UTS2: variants seen among roughly 807,000 people sequenced by gnomAD.
UTS2 encodes the protein urotensin 2, also known as urotensin-2.
UTS2 carries 10 observed loss-of-function variants against 12.6 expected under a neutral mutation model. The ratio of observed to expected loss-of-function variants is 0.80; its 90% CI spans 0.49 to 1.35. The LOEUF (loss-of-function observed/expected upper bound fraction) is 1.35, where lower values mean the gene tolerates loss of function less well. Ranked by LOEUF, UTS2 falls within the 40% of genes most tolerant of loss-of-function variation. The pLI is 0.00. For missense variants in UTS2, 142 were observed against 143.2 expected (o/e 0.99, Z 0.04); for synonymous variants, 52 against 50.0 (o/e 1.04, Z -0.17).
the UTS2 span, among the ~76,000 whole-genome samples, chr1:7,860,061 G>A: frequency 6.6e-6 from 1 of 152,140 alleles, no homozygotes; most frequent in Admixed American, 6.5e-5. Context: ...GTTGAACAGT[G>A]AGTAATGTTA....
At chr1:7,864,006 G>C in the UTS2 span, among the ~76,000 whole-genome samples, 2 of 152,368 alleles carry the variant, frequency 1.3e-5, no homozygotes, top group South Asian at 4.1e-4. Flanking sequence ...TCTCAGGGCA[G>C]CAGGAGGGCA....
Position 7,848,430 on chromosome 1 carries a change from C to A in UTS2, c.259-548G>T, listed in dbSNP as rs572246078. 5.3e-5 allele frequency among the ~76,000 whole-genome samples: 8 copies of A among 152,140 alleles called. No homozygotes were observed. The East Asian group carries it at 9.7e-4, about 18-fold the overall frequency. ...CTCCAGCCTGGGTAACAGAGCAAGA[C>A]CCTGTCTCAATAAATAAATAAATAA... On this transcript the variant is annotated intron_variant, in intron 3 of 3. Coordinates refer to ENST00000361696, the MANE Select transcript of UTS2 (RefSeq NM_006786.4).
chr1:7,900,265 G>A, the UTS2 span, among the ~76,000 whole-genome samples: 1 of 152,090 alleles, frequency 6.6e-6, no homozygotes, highest in Non-Finnish European at 1.5e-5. Context: ...CAGGCACAGT[G>A]GTGCATGCCT....
the UTS2 span, among the ~76,000 whole-genome samples, chr1:7,877,848 G>A: frequency 6.6e-6 from 1 of 151,478 alleles, no homozygotes; most frequent in African/African-American, 2.4e-5. Flanking sequence ...ACTCCAGCCT[G>A]GGCAACAGAG....
At chr1:7,863,935 G>A in the UTS2 span, among the ~76,000 whole-genome samples, 1 of 152,236 alleles carries the variant, frequency 6.6e-6, no homozygotes, top group Admixed American at 6.5e-5. Flanking sequence ...TGACAGCGGG[G>A]CCTCCCTCTC....
At chr1:7,854,142 G>C (rs1638246236), upstream of UTS2, among the ~76,000 whole-genome samples, 1 of 151,994 alleles carries the variant, frequency 6.6e-6, no homozygotes, top group Non-Finnish European at 1.5e-5. Flanking sequence ...TCAGGAGTTT[G>C]AGACCAGCCT....
the UTS2 span, among the ~76,000 whole-genome samples, chr1:7,892,363 G>A: frequency 6.6e-6 from 1 of 151,932 alleles, no homozygotes; most frequent in Non-Finnish European, 1.5e-5. Context: ...AGTTTCTAGG[G>A]GCCGCCTGCA....
At chr1:7,866,623 C>A in the UTS2 span, among the ~76,000 whole-genome samples, 1 of 152,292 alleles carries the variant, frequency 6.6e-6, no homozygotes, top group Middle Eastern at 3.4e-3. The surrounding 1 kb of genome is among the most constrained non-coding windows in gnomAD (Gnocchi z 4.5). Flanking sequence ...CTCCACTCAG[C>A]TTTCCCCCTC....
upstream of UTS2, chr1:7,853,395 T>C (rs749327800): frequency 5.0e-6 from 8 of 1,613,952 alleles, no homozygotes; most frequent in Non-Finnish European, 6.8e-6. Flanking sequence ...CGAGCAGAAG[T>C]GACGCAGAGC....
chr1:7,856,148 AT>A (rs1254520452), upstream of UTS2, among the ~76,000 whole-genome samples: 1 of 151,898 alleles, frequency 6.6e-6, no homozygotes, highest in Non-Finnish European at 1.5e-5. Flanking sequence ...TATTTTATGT[AT>A]TTATCCTTTA....
chr1:7,863,008 G>GTATT, the UTS2 span, among the ~76,000 whole-genome samples: 5 of 20,676 alleles, frequency 2.4e-4, no homozygotes, highest in East Asian at 2.8e-3. Context: ...GTATTGTATT[G>GTATT]TATTGTATTG....
the UTS2 span, among the ~76,000 whole-genome samples, chr1:7,904,196 G>A: frequency 6.6e-6 from 1 of 151,828 alleles, no homozygotes; most frequent in African/African-American, 2.4e-5. Context: ...GAAAAGTAAA[G>A]ATGGCCGAGC....
At chr1:7,885,315 G>A in the UTS2 span, among the ~76,000 whole-genome samples, 1 of 152,236 alleles carries the variant, frequency 6.6e-6, no homozygotes. Context: ...CCACAGGGCA[G>A]CCTTGGTAGG....
chr1:7,852,635 C>G (rs989109127), intron 1 of UTS2, among the ~76,000 whole-genome samples: 3 of 152,020 alleles, frequency 2.0e-5, no homozygotes, highest in Non-Finnish European at 1.5e-5. Flanking sequence ...GTATATATTA[C>G]CCAAAACAAG....
At chr1:7,852,069 T>A (rs1479845006) in intron 1 of UTS2, among the ~76,000 whole-genome samples, 1 of 152,182 alleles carries the variant, frequency 6.6e-6, no homozygotes, top group African/African-American at 2.4e-5. Context: ...ATGACAGTGC[T>A]TGACGATCAT....
At chr1:7,891,262 T>C in the UTS2 span, among the ~76,000 whole-genome samples, 3 of 152,064 alleles carry the variant, frequency 2.0e-5, no homozygotes, top group Non-Finnish European at 4.4e-5. Flanking sequence ...TGACTATCAT[T>C]AACGATGCAT....
At position 7,847,691 on chromosome 1, in the gene UTS2, C is replaced by CATTAAAAAA; in HGVS notation, c.*74_*75insTTTTTTAAT. 3 of 1,208,826 alleles carry CATTAAAAAA rather than the reference C, an allele frequency of 2.5e-6. No homozygotes were observed. The highest frequency in any genetic ancestry group is 2.7e-5 in the South Asian group (2 of 75,288). The allele number at this position is 1,208,826 out of a possible 1,614,324, so 74.9% of individuals were successfully genotyped here. ...GCCTAGTTTTTCTCCACACTGTTTT[C>CATTAAAAAA]AAATCAAGCATTGTGTTATTTTTCA... On this transcript the variant is annotated 3_prime_UTR_variant, in exon 4 of 4. Coordinates refer to ENST00000361696, the MANE Select transcript of UTS2 (RefSeq NM_006786.4).
chr1:7,874,971 C>CCT, the UTS2 span, among the ~76,000 whole-genome samples: 1 of 152,186 alleles, frequency 6.6e-6, no homozygotes, highest in African/African-American at 2.4e-5. Context: ...TTTCCTGAGG[C>CCT]CTCCCCAGCC....
chr1:7,877,689 A>G, the UTS2 span, among the ~76,000 whole-genome samples: 1 of 152,186 alleles, frequency 6.6e-6, no homozygotes, highest in East Asian at 1.9e-4. Flanking sequence ...CCTGAGCAAC[A>G]TGGTGAAACC....
Sources: allele counts gnomAD v4.1 joint callset (sites outside exome capture counted in the v4.1 genomes callset), GRCh38; gene constraint gnomAD v4.1.1; non-coding constraint Gnocchi (gnomAD v3.1); transcripts MANE v1.5; gene names NCBI Gene and HGNC (gene_info 2026-07-23, HGNC 2026-07-21).